SLC26A5: variants seen among roughly 807,000 people sequenced by gnomAD.
The protein encoded by SLC26A5 is prestin.
In SLC26A5, 51 loss-of-function variants were observed where a neutral mutation model predicts 81.0. That is an observed-to-expected ratio of 0.63 (90% CI 0.50 to 0.80). The LOEUF (loss-of-function observed/expected upper bound fraction) is 0.80. Ranked by LOEUF, SLC26A5 falls within the 30% of genes least tolerant of loss-of-function variation. SLC26A5 has a pLI of 0.00. For synonymous variants in SLC26A5, 325 were observed against 332.8 expected (o/e 0.98, Z 0.25); for missense variants, 771 against 905.8 (o/e 0.85, Z 1.91).
chr7:103,439,608 G>A (rs115695268), intron 2 of SLC26A5, among the ~76,000 whole-genome samples: 1,903 of 152,124 alleles, frequency 0.013, 46 homozygotes, highest in African/African-American at 0.043. Context: ...ATCACAGCTC[G>A]CTGCAACATC....
intron 19 of SLC26A5, chr7:103,362,568 A>G: frequency 7.0e-7 from 1 of 1,423,486 alleles, no homozygotes; most frequent in Non-Finnish European, 9.5e-7. Context: ...TTATATAATT[A>G]GGGACTCTGT....
At chr7:103,363,650 A>C (rs960518575) in intron 19 of SLC26A5, among the ~76,000 whole-genome samples, 6 of 151,714 alleles carry the variant, frequency 4.0e-5, no homozygotes, top group African/African-American at 1.5e-4. Flanking sequence ...TAAAAAAGAA[A>C]GATCTGCTGT....
intron 9 of SLC26A5, among the ~76,000 whole-genome samples, chr7:103,396,512 C>G (rs1823121998): frequency 6.6e-6 from 1 of 152,224 alleles, no homozygotes; most frequent in Non-Finnish European, 1.5e-5. Context: ...GAAGAAAATA[C>G]TGTCATATGC....
chr7:103,354,901 G>C, intron 19 of SLC26A5: 1 of 1,613,574 alleles, frequency 6.2e-7, no homozygotes, highest in Non-Finnish European at 8.5e-7. Context: ...GATCAAGCAA[G>C]TTGAAGATGA....
At chr7:103,445,013 C>T (rs1349111112) in intron 1 of SLC26A5, among the ~76,000 whole-genome samples, 2 of 152,172 alleles carry the variant, frequency 1.3e-5, no homozygotes, top group African/African-American at 4.8e-5. Context: ...AATTCCTAAA[C>T]TTTAGATAAT....
rs117965732 is a variant in SLC26A5 at position 103,419,066 on chromosome 7, A to G, written c.292+1672T>C. Among the ~76,000 whole-genome samples the G allele has an allele frequency of 4.6e-3, 707 of 152,226 alleles. 3 individuals are homozygous for G. Among genetic ancestry groups the G allele is most frequent in the Non-Finnish European group, 7.0e-3 (479 of 68,000 alleles). On this transcript the variant is annotated intron_variant, in intron 4 of 19. Coordinates refer to ENST00000306312, the MANE Select transcript of SLC26A5 (RefSeq NM_198999.3). Reference sequence around the variant, plus strand: ...GAGATCTGATGATTTTACGAGGGGCAGTTCCCCACACAAGCTCTCTCTTGC... The same window carrying G: ...GAGATCTGATGATTTTACGAGGGGCGGTTCCCCACACAAGCTCTCTCTTGC...
chr7:103,401,656 C>T (rs984667646), intron 8 of SLC26A5, among the ~76,000 whole-genome samples: 1 of 152,160 alleles, frequency 6.6e-6, no homozygotes, highest in Non-Finnish European at 1.5e-5. Context: ...AAAGGGAATG[C>T]TTCCAGTTTT....
chr7:103,402,055 C>A (rs2116575452), intron 8 of SLC26A5, among the ~76,000 whole-genome samples: 1 of 152,252 alleles, frequency 6.6e-6, no homozygotes, highest in South Asian at 2.1e-4. Context: ...GTTTTGGTAG[C>A]AGGATGATGC....
chr7:103,433,287 C>CT (rs577269002), intron 2 of SLC26A5, among the ~76,000 whole-genome samples: 31 of 152,158 alleles, frequency 2.0e-4, no homozygotes, highest in Admixed American at 5.9e-4. Context: ...TATTATTGTT[C>CT]TTTTTTAAAC....
chr7:103,385,364 G>C (rs2116424287), intron 14 of SLC26A5, among the ~76,000 whole-genome samples: 1 of 152,144 alleles, frequency 6.6e-6, no homozygotes, highest in East Asian at 1.9e-4. Context: ...TCGATCTCCT[G>C]ACCTCGTGAT....
intron 2 of SLC26A5, chr7:103,435,196 C>G (rs1024581482): frequency 9.2e-5 from 14 of 152,108 alleles, no homozygotes; most frequent in Admixed American, 6.5e-4. Context: ...TGAATAACAT[C>G]ACGCTTTTGT....
At chr7:103,380,399 T>C (rs1463937081) in intron 15 of SLC26A5, 81 bp downstream of exon 15, 30 of 1,226,892 alleles carry the variant, frequency 2.4e-5, no homozygotes, top group Non-Finnish European at 3.5e-5. Context: ...TTACCCCTAC[T>C]TTTTATCCTG....
chr7:103,421,605 A>T (rs1825359468), intron 2 of SLC26A5, 38 bp from the exon 3 acceptor site: 2 of 1,375,230 alleles, frequency 1.5e-6, no homozygotes, highest in Non-Finnish European at 2.0e-6. Context: ...TACTTGCCAA[A>T]ATCCTACTGA....
intron 19 of SLC26A5, chr7:103,362,549 T>C: frequency 7.1e-7 from 1 of 1,410,074 alleles, no homozygotes; most frequent in Non-Finnish European, 9.5e-7. Flanking sequence ...ATGCTCTCTT[T>C]ATTTCTCTTT....
intron 7 of SLC26A5, among the ~76,000 whole-genome samples, chr7:103,408,447 G>C (rs187468249): frequency 6.6e-6 from 1 of 152,036 alleles, no homozygotes; most frequent in Non-Finnish European, 1.5e-5. Context: ...GGCTGGTCTC[G>C]AACTCCTGAC....
At chr7:103,440,391 C>T (rs1418087404) in intron 2 of SLC26A5, among the ~76,000 whole-genome samples, 1 of 152,164 alleles carries the variant, frequency 6.6e-6, no homozygotes, top group Non-Finnish European at 1.5e-5. Flanking sequence ...ATCCTAAGGA[C>T]TAGCACAACA....
At chr7:103,401,469 C>G (rs1269167114) in intron 8 of SLC26A5, among the ~76,000 whole-genome samples, 2 of 152,132 alleles carry the variant, frequency 1.3e-5, no homozygotes, top group Admixed American at 1.3e-4. Flanking sequence ...GGGGCTGATA[C>G]GAAGGGTTTT....
Position 103,389,383 on chromosome 7 carries a change from C to T in SLC26A5, c.1353G>A (p.Met451Ile). 1.9e-6 allele frequency: 3 copies of T among 1,614,174 alleles called. No individual in the cohort carries two copies. Among genetic ancestry groups the T allele is most frequent in the African/African-American group, 1.3e-5 (1 of 75,044 alleles). ...SAIVIVNLKGMFMQFSDLPFF... is the reference protein window; with the variant it reads ...SAIVIVNLKGIFMQFSDLPFF... ...AGGGGAGATCTGAGAACTGCATAAA[C>T]ATTCCCTTCAGGTTGACAATCACAA... The change falls in exon 13 of 20, where the codon ATG becomes ATA. Residue 451 changes from methionine (M) to isoleucine (I), a missense_variant. Coordinates refer to ENST00000306312, the MANE Select transcript of SLC26A5 (RefSeq NM_198999.3).
downstream of SLC26A5, among the ~76,000 whole-genome samples, chr7:103,371,366 C>T (rs1821023051): frequency 6.6e-6 from 1 of 151,364 alleles, no homozygotes. Flanking sequence ...GCTCTGTCGC[C>T]CAGGCTGGAG....
Sources: gnomAD v4.1 joint callset for allele counts (sites outside exome capture counted in the v4.1 genomes callset) on GRCh38, gnomAD v4.1.1 for gene constraint, MANE v1.5 for transcripts, NCBI Gene and HGNC (gene_info 2026-07-23, HGNC 2026-07-21) for gene names.